Variants in MSRA observed in about 807,000 individuals in gnomAD.
MSRA encodes mitochondrial peptide methionine sulfoxide reductase.
In MSRA, 54 loss-of-function variants were observed where a neutral mutation model predicts 31.3. The observed-to-expected ratio is 1.73, with a 90% confidence interval of 1.39 to 2.17. The LOEUF (loss-of-function observed/expected upper bound fraction) is 2.17. Ranked by LOEUF, MSRA falls within the 30% of genes most tolerant of loss-of-function variation. MSRA has a pLI of 0.00. For missense variants in MSRA, 507 were observed against 300.9 expected, an observed-to-expected ratio of 1.69 and a Z score of -5.07; for synonymous variants, 169 against 116.5, an observed-to-expected ratio of 1.45 and a Z score of -2.90.
At chr8:10,071,456 T>A (rs964933628) in intron 1 of MSRA, among the ~76,000 whole-genome samples, 8 of 131,960 alleles carry the variant, frequency 6.1e-5, no homozygotes, top group African/African-American at 2.2e-4. Flanking sequence ...CCTTTTAATT[T>A]TCTTTTTTTT....
chr8:10,147,045 A>G (rs1405782130), intron 1 of MSRA, among the ~76,000 whole-genome samples: 1 of 152,134 alleles, frequency 6.6e-6, no homozygotes, highest in Non-Finnish European at 1.5e-5. Context: ...GGCCCTTCCC[A>G]GGTACAGATG....
intron 5 of MSRA, among the ~76,000 whole-genome samples, chr8:10,371,412 T>C (rs1250947970): frequency 1.3e-5 from 2 of 152,100 alleles, no homozygotes; most frequent in East Asian, 1.9e-4. Flanking sequence ...TGACCCCACA[T>C]AGAACTCATG....
At chr8:10,185,502 G>T (rs972269304) in intron 1 of MSRA, among the ~76,000 whole-genome samples, 5 of 126,014 alleles carry the variant, frequency 4.0e-5, no homozygotes, top group Non-Finnish European at 5.5e-5. Context: ...GGGGGAATCA[G>T]CTCTGGGCAC....
At chr8:10,266,173 G>C (rs1026135282) in intron 3 of MSRA, among the ~76,000 whole-genome samples, 5 of 152,176 alleles carry the variant, frequency 3.3e-5, no homozygotes, top group Admixed American at 2.0e-4. Flanking sequence ...TTTCCAAACT[G>C]TTTTCTGGAG....
At chr8:10,217,548 T>G (rs1304531708) in intron 2 of MSRA, among the ~76,000 whole-genome samples, 1 of 152,200 alleles carries the variant, frequency 6.6e-6, no homozygotes, top group African/African-American at 2.4e-5. Flanking sequence ...TGTGAAAGAT[T>G]TCAAACAAAA....
intron 1 of MSRA, among the ~76,000 whole-genome samples, chr8:10,164,329 G>T (rs539498988): frequency 3.9e-5 from 6 of 152,112 alleles, no homozygotes; most frequent in Non-Finnish European, 8.8e-5. Context: ...TCCCTCCGAG[G>T]GCTGCGTATC....
At chr8:10,238,440 G>C (rs1370672960) in intron 2 of MSRA, among the ~76,000 whole-genome samples, 1 of 152,156 alleles carries the variant, frequency 6.6e-6, no homozygotes, top group East Asian at 1.9e-4. Context: ...CACTAAACAG[G>C]GTAGGATCTT....
In MSRA at chr8:10,367,696, C is replaced by G. The variant is rs80112153; in HGVS notation, c.543+47707C>G. On this transcript the variant is annotated intron_variant, in intron 5 of 5. Transcript: ENST00000317173. Reference sequence around the variant, plus strand: ...AGAGGCAGATAGGAACTTGCAAGGGCTCCGATCGCGGGCATCCCATTGCTC... The same window carrying G: ...AGAGGCAGATAGGAACTTGCAAGGGGTCCGATCGCGGGCATCCCATTGCTC... Among the ~76,000 whole-genome samples, 496 of 152,360 alleles carry G rather than the reference C, an allele frequency of 3.3e-3. 3 individuals are homozygous for G. The highest frequency in any genetic ancestry group is 0.011 in the African/African-American group (471 of 41,596).
chr8:10,335,263 T>TG (rs1802968298), intron 5 of MSRA, among the ~76,000 whole-genome samples: 1 of 148,400 alleles, frequency 6.7e-6, no homozygotes, highest in Non-Finnish European at 1.5e-5. Flanking sequence ...TTTTTTTTTT[T>TG]TTTTTTTTTT....
chr8:10,365,405 T>A (rs1324239581), intron 5 of MSRA, among the ~76,000 whole-genome samples: 1 of 152,184 alleles, frequency 6.6e-6, no homozygotes, highest in Non-Finnish European at 1.5e-5. Context: ...TTTACATTGT[T>A]TCATCTTAAA....
intron 5 of MSRA, among the ~76,000 whole-genome samples, chr8:10,396,649 G>A (rs917893662): frequency 5.9e-5 from 9 of 152,198 alleles, no homozygotes; most frequent in East Asian, 1.9e-4. Context: ...GATGACATAC[G>A]TGTGGCTGTT....
chr8:10,427,592 G>A (rs1809260384), intron 5 of MSRA, among the ~76,000 whole-genome samples: 1 of 152,160 alleles, frequency 6.6e-6, no homozygotes, highest in African/African-American at 2.4e-5. Context: ...CACAGCGAGT[G>A]AGGGGACACT....
intron 4 of MSRA, among the ~76,000 whole-genome samples, chr8:10,305,943 T>C (rs1801115970): frequency 6.6e-6 from 1 of 152,248 alleles, no homozygotes; most frequent in African/African-American, 2.4e-5. Flanking sequence ...ATTTACCAAT[T>C]ACCACAGAAC....
rs1809331522 is a variant in MSRA, at chr8:10,428,370, G to A, written c.*58G>A. On this transcript the variant is annotated 3_prime_UTR_variant, in exon 6 of 6. Transcript: ENST00000317173. ...AGTAAAAATGCTTTCAACAAATTGG[G>A]CAATGCTTGTGTGATTCACAATCGT... 1.9e-6 allele frequency: 3 copies of A among 1,556,986 alleles called. No individual in the cohort carries two copies. The highest frequency in any genetic ancestry group is 2.6e-6 in the Non-Finnish European group (3 of 1,136,322).
At chr8:10,107,859 T>C (rs1444114085) in intron 1 of MSRA, among the ~76,000 whole-genome samples, 1 of 152,130 alleles carries the variant, frequency 6.6e-6, no homozygotes, top group Non-Finnish European at 1.5e-5. Context: ...CCCCGGATAT[T>C]GCTAAGTGAT....
rs192770508 is a variant in MSRA at position 10,120,921 on chromosome 8, A to C, written c.142+66263A>C. 7.4e-4 allele frequency among the ~76,000 whole-genome samples: 113 copies of C among 152,322 alleles called. 3 individuals carry two copies. In the Middle Eastern group the frequency reaches 0.034, roughly 46 times the overall value. ...CCTGTGTGTGTTCCCAAATCATTTT[A>C]TGTCAGTTGTTAGTAATTAAATTTA... On this transcript the variant is annotated intron_variant, in intron 1 of 5. Coordinates refer to ENST00000317173, the MANE Select transcript of MSRA (RefSeq NM_012331.5).
chr8:10,347,444 T>C (rs866131347), intron 5 of MSRA, among the ~76,000 whole-genome samples: 1 of 152,196 alleles, frequency 6.6e-6, no homozygotes, highest in Admixed American at 6.5e-5. Flanking sequence ...AGTCCCACCA[T>C]GCTCACAAAC....
At chr8:10,339,395 C>G (rs1445899049) in intron 5 of MSRA, among the ~76,000 whole-genome samples, 2 of 152,114 alleles carry the variant, frequency 1.3e-5, no homozygotes, top group Middle Eastern at 3.2e-3. Flanking sequence ...TCCACATTGG[C>G]TGCTTTTGAA....
chr8:10,404,990 G>C (rs923653632), intron 5 of MSRA, among the ~76,000 whole-genome samples: 3 of 152,210 alleles, frequency 2.0e-5, no homozygotes, highest in Admixed American at 1.3e-4. Context: ...CACAGTCACA[G>C]GCTCCAGATG....
Sources: gnomAD v4.1 joint callset for allele counts (sites outside exome capture counted in the v4.1 genomes callset) on GRCh38, gnomAD v4.1.1 for gene constraint, MANE v1.5 for transcripts, NCBI Gene and HGNC (gene_info 2026-07-23, HGNC 2026-07-21) for gene names.